MICAL3: variants seen among roughly 807,000 people sequenced by gnomAD.
The protein encoded by MICAL3 is [F-actin]-monooxygenase MICAL3.
In MICAL3, 62 loss-of-function variants were observed where a neutral mutation model predicts 207.4. The ratio of observed to expected loss-of-function variants is 0.30; its 90% CI spans 0.24 to 0.37. MICAL3 has a LOEUF of 0.37. Ranked by LOEUF, MICAL3 falls within the 10% of genes least tolerant of loss-of-function variation. The pLI is 1.00. For missense variants in MICAL3, 2,368 were observed against 2,635.6 expected, an observed-to-expected ratio of 0.90 and a Z score of 2.22; for synonymous variants, 1,077 against 1,069.3, an observed-to-expected ratio of 1.01 and a Z score of -0.14.
chr22:17,868,459 G>A (rs1927371351), intron 17 of MICAL3, among the ~76,000 whole-genome samples: 1 of 152,286 alleles, frequency 6.6e-6, no homozygotes, highest in South Asian at 2.1e-4. Context: ...CTTTCTCAGC[G>A]AGGAACAGGA....
At chr22:17,969,007 G>T (rs1488630160) in intron 1 of MICAL3, among the ~76,000 whole-genome samples, 1 of 151,972 alleles carries the variant, frequency 6.6e-6, no homozygotes, top group Non-Finnish European at 1.5e-5. Context: ...AAAATTCAAT[G>T]ACTTATTAAG....
chr22:17,856,642 T>C (rs1228672619), intron 19 of MICAL3, among the ~76,000 whole-genome samples: 3 of 117,892 alleles, frequency 2.5e-5, no homozygotes, highest in African/African-American at 3.3e-5. Flanking sequence ...TGAGACGGAG[T>C]CTCGCTCTGT....
rs145303844 is a variant in MICAL3 at position 17,865,535 on chromosome 22, C to T, written c.2517+389G>A. 8.0e-4 allele frequency among the ~76,000 whole-genome samples: 122 copies of T among 152,364 alleles called. 3 individuals carry two copies. In the South Asian group the frequency reaches 0.02, roughly 25 times the overall value. Reference sequence around the variant, plus strand: ...GAGGGTGGGGCCACCGAGGGATCCTCCCAACAGTCTCCTCTCCCACCCTGC... The same window carrying T: ...GAGGGTGGGGCCACCGAGGGATCCTTCCAACAGTCTCCTCTCCCACCCTGC... On this transcript the variant is annotated intron_variant, in intron 18 of 31. Transcript: ENST00000441493.
At position 17,790,720 on chromosome 22, in the gene MICAL3, T is replaced by C. The variant is rs764269004; in HGVS notation, c.*12A>G. On this transcript the variant is annotated 3_prime_UTR_variant, in exon 32 of 32. Coordinates refer to ENST00000441493, the MANE Select transcript of MICAL3 (RefSeq NM_015241.3). ...GCGGATGCCAACAGAAAATGGAGCG[T>C]TGGGTGGGAGCTCAGGACCAGTTAA... 2.5e-6 allele frequency: 4 copies of C among 1,580,974 alleles called. No homozygotes were observed. The highest frequency in any genetic ancestry group is 1.3e-5 in the African/African-American group (1 of 74,142).
intron 19 of MICAL3, among the ~76,000 whole-genome samples, chr22:17,849,688 ATTTTTTTTTTTTTT>A (rs57344653): frequency 8.5e-4 from 31 of 36,294 alleles, no homozygotes; most frequent in Middle Eastern, 0.062. Flanking sequence ...GTGTGTGTGT[ATTTTTTTTTTTTTT>A]TTTTTTTTTT....
intron 29 of MICAL3, chr22:17,803,712 G>T: frequency 3.8e-6 from 2 of 524,720 alleles, no homozygotes; most frequent in Non-Finnish European, 4.9e-6. Flanking sequence ...TTGGTTATTG[G>T]GTTGATTTCT....
chr22:17,959,908 C>T (rs1934817040), intron 1 of MICAL3, among the ~76,000 whole-genome samples: 1 of 152,166 alleles, frequency 6.6e-6, no homozygotes. Context: ...GAACTGAACT[C>T]ATTTGACATG....
chr22:17,999,240 G>C (rs1468349266), intron 1 of MICAL3, among the ~76,000 whole-genome samples: 1 of 152,218 alleles, frequency 6.6e-6, no homozygotes, highest in East Asian at 1.9e-4. Context: ...GTACTGAATG[G>C]TGTACCACTC....
chr22:17,833,697 T>C (rs1195402904), intron 20 of MICAL3, among the ~76,000 whole-genome samples: 1 of 152,138 alleles, frequency 6.6e-6, no homozygotes, highest in Non-Finnish European at 1.5e-5. Context: ...AGTAATGTGA[T>C]TAGGGTGAGG....
intron 1 of MICAL3, among the ~76,000 whole-genome samples, chr22:17,995,462 G>A (rs1356834062): frequency 1.4e-5 from 2 of 147,758 alleles, no homozygotes; most frequent in African/African-American, 2.5e-5. Context: ...GATTACAGAC[G>A]TGAGACATTG....
At chr22:17,871,709 C>G in intron 17 of MICAL3, 128 bp downstream of exon 17, 1 of 773,882 alleles carries the variant, frequency 1.3e-6, no homozygotes, top group Non-Finnish European at 2.0e-6. Context: ...GCAAGAAAGG[C>G]TGGGAGAGGC....
chr22:17,950,972 C>G (rs1048663336), intron 1 of MICAL3, among the ~76,000 whole-genome samples: 1 of 152,126 alleles, frequency 6.6e-6, no homozygotes, highest in African/African-American at 2.4e-5. Context: ...ACTGTCAGCC[C>G]CACCCTGATC....
chr22:17,830,709 TA>T (rs1463805487), intron 21 of MICAL3, among the ~76,000 whole-genome samples: 1 of 152,206 alleles, frequency 6.6e-6, no homozygotes, highest in East Asian at 1.9e-4. Context: ...TGCGGGTCAC[TA>T]AGGGCTGCCT....
intron 1 of MICAL3, chr22:18,001,611 C>G (rs1211722114): frequency 1.3e-5 from 2 of 152,356 alleles, no homozygotes; most frequent in African/African-American, 4.8e-5. Flanking sequence ...ACCTCGAAAA[C>G]TGGCAAGCGG....
At chr22:18,010,418 G>C (rs1259472590) in intron 1 of MICAL3, among the ~76,000 whole-genome samples, 4 of 152,324 alleles carry the variant, frequency 2.6e-5, no homozygotes, top group South Asian at 4.1e-4. Context: ...CATGGTGTCT[G>C]ACCTTAAGGA....
chr22:17,976,531 A>ATGTGTGTGTGTGTGTGTG (rs1239655452), intron 1 of MICAL3, among the ~76,000 whole-genome samples: 15 of 114,726 alleles, frequency 1.3e-4, no homozygotes, highest in African/African-American at 5.4e-4. Context: ...ATATGTGTAT[A>ATGTGTGTGTGTGTGTGTG]TATATGTGTG....
At chr22:17,795,336 G>A (rs1353041049) in intron 29 of MICAL3, among the ~76,000 whole-genome samples, 3 of 152,186 alleles carry the variant, frequency 2.0e-5, no homozygotes, top group Non-Finnish European at 4.4e-5. Flanking sequence ...CATCAAATAC[G>A]TCAGTGAACA....
intron 1 of MICAL3, among the ~76,000 whole-genome samples, chr22:17,918,759 C>T (rs1932699575): frequency 6.6e-6 from 1 of 152,326 alleles, no homozygotes; most frequent in Admixed American, 6.5e-5. Context: ...CCTCTCACCT[C>T]AGCCTCCGCA....
intron 13 of MICAL3, among the ~76,000 whole-genome samples, chr22:17,887,849 G>T (rs1242181411): frequency 6.6e-6 from 1 of 152,196 alleles, no homozygotes; most frequent in Non-Finnish European, 1.5e-5. Context: ...CCTGGTTTTA[G>T]TGTATGCAGA....
Sources: gnomAD v4.1 joint callset for allele counts (sites outside exome capture counted in the v4.1 genomes callset) on GRCh38, gnomAD v4.1.1 for gene constraint, MANE v1.5 for transcripts, NCBI Gene and HGNC (gene_info 2026-07-23, HGNC 2026-07-21) for gene names.